Variants in FAM217A observed in about 807,000 individuals in gnomAD.
FAM217A encodes family with sequence similarity 217 member A.
A neutral mutation model predicts 18.5 loss-of-function variants in FAM217A; 13 were observed. That is an observed-to-expected ratio of 0.70 (90% CI 0.46 to 1.12). The LOEUF (loss-of-function observed/expected upper bound fraction) is 1.12. Ranked by LOEUF, FAM217A falls within the 50% of genes most tolerant of loss-of-function variation. The pLI is 0.00. For synonymous variants in FAM217A, 161 were observed against 202.8 expected, an observed-to-expected ratio of 0.79 and a Z score of 1.75; for missense variants, 560 against 575.4, an observed-to-expected ratio of 0.97 and a Z score of 0.27.
chr6:4,069,106 T>C lies in FAM217A; in HGVS notation c.1117A>G (p.Asn373Asp). The C allele has an allele frequency of 6.2e-7, 1 of 1,614,222 alleles. No individual in the cohort carries two copies. Among genetic ancestry groups the C allele is most frequent in the Non-Finnish European group, 8.5e-7 (1 of 1,180,036 alleles). The change falls in exon 7 of 7, where the codon AAT (asparagine) becomes GAT (aspartate). Residue 373 changes from asparagine (N) to aspartate (D), a missense_variant. Asn to Asp is a conservative substitution (Grantham distance 23). Transcript: ENST00000274673. ...GAATTCCATCTATATTTGCCAGCAT[T>C]GCTCCAATTCCGTTTTAAAGCATTT... ...EQNALKRNWS[N>D]AGKYRWNSRP...
intron 1 of FAM217A, among the ~76,000 whole-genome samples, chr6:4,078,500 T>A (rs650183): frequency 0.24 from 36,428 of 151,996 alleles, 4,891 homozygotes; most frequent in East Asian, 0.42. Context: ...CACGAGTGTG[T>A]GCATGCCAGA....
In FAM217A at chr6:4,078,492, C is replaced by G. The variant is rs1027345714; in HGVS notation, c.-35+360G>C. ...TCAGCCAACACCGGTTATTGGTCCA[C>G]GAGTGTGTGCATGCCAGACACTAGG... On this transcript the variant is annotated intron_variant, in intron 1 of 6. Coordinates refer to ENST00000274673, the MANE Select transcript of FAM217A (RefSeq NM_173563.3). Among the ~76,000 whole-genome samples the G allele has an allele frequency of 2.6e-5, 4 of 152,148 alleles. 1 individual carries two copies. The highest frequency in any genetic ancestry group is 1.3e-4 in the Admixed American group (2 of 15,278).
At chr6:4,070,482 A>G (rs1204191014) in intron 6 of FAM217A, among the ~76,000 whole-genome samples, 1 of 152,200 alleles carries the variant, frequency 6.6e-6, no homozygotes, top group Non-Finnish European at 1.5e-5. Flanking sequence ...TTTTCATATA[A>G]TGATGCTCTT....
At chr6:4,081,439 G>GTCT (rs768752676), upstream of FAM217A, among the ~76,000 whole-genome samples, 43 of 152,006 alleles carry the variant, frequency 2.8e-4, no homozygotes, top group Non-Finnish European at 4.9e-4. Context: ...TAGTTCCCTA[G>GTCT]TAGCTGGGAT....
At position 4,078,916 on chromosome 6, in the gene FAM217A, C is replaced by T. The variant is rs1419324769; in HGVS notation, c.-99G>A. The stretch of plus-strand genomic sequence containing the variant: ...GGTGCGCCGCCCCGAGGCCCGAGCG[C>T]CTCCGCGTGCGTGGCTGACGGCTTG... On this transcript the variant is annotated 5_prime_UTR_variant, in exon 1 of 7. Transcript: ENST00000274673. 2 of 583,962 alleles carry T rather than the reference C, an allele frequency of 3.4e-6. No individual in the cohort carries two copies. Among genetic ancestry groups the T allele is most frequent in the African/African-American group, 3.9e-5 (2 of 51,432 alleles). 36.2% of individuals were successfully genotyped at this position (583,962 alleles called of 1,614,324 possible).
intron 6 of FAM217A, 99 bp from the exon 7 acceptor site, chr6:4,070,019 G>A: frequency 1.1e-6 from 1 of 897,106 alleles, no homozygotes; most frequent in Non-Finnish European, 1.6e-6. Context: ...ATTGGTTAAT[G>A]TTTAGTTCCC....
chr6:4,079,259 C>T (rs1770090748), upstream of FAM217A: 1 of 173,728 alleles, frequency 5.8e-6, no homozygotes, highest in Non-Finnish European at 1.2e-5. Flanking sequence ...CGGAGCCTCT[C>T]GGGGGTCACC....
chr6:4,074,792 G>T, intron 2 of FAM217A, 131 bp from the exon 3 acceptor site: 1 of 641,274 alleles, frequency 1.6e-6, no homozygotes, highest in Admixed American at 2.9e-5. Flanking sequence ...TCATTATAAA[G>T]AACTTATCAG....
chr6:4,078,986 A>G lies in FAM217A; in HGVS notation c.-169T>C. On this transcript the variant is annotated 5_prime_UTR_variant, in exon 1 of 7. Coordinates refer to ENST00000274673, the MANE Select transcript of FAM217A (RefSeq NM_173563.3). ...CGGCCTTCCTGCAGCGGGGGGACAA[A>G]GAGGGCGGCGGGCGGCTGGCGGCCT... is the stretch of plus-strand genomic sequence containing the variant. The G allele has an allele frequency of 2.0e-6, 1 of 493,956 alleles. No homozygotes were observed. The highest frequency in any genetic ancestry group is 3.6e-6 in the Non-Finnish European group (1 of 280,528). 30.6% of individuals were successfully genotyped at this position (493,956 alleles called of 1,614,324 possible).
upstream of FAM217A, among the ~76,000 whole-genome samples, chr6:4,083,020 A>C (rs1248308886): frequency 3.9e-5 from 6 of 152,200 alleles, no homozygotes. Flanking sequence ...CCCAGGATTC[A>C]GATTTTAGTG....
In FAM217A at chr6:4,069,756, C is replaced by A; in HGVS notation, c.467G>T (p.Gly156Val). ...PLGLCWPYAD[G>V]DFFKNRNEIH... ...CTCATTTCTGTTCTTAAAAAAGTCT[C>A]CATCAGCATAGGGCCAGCAGAGACC... The change falls in exon 7 of 7, where the codon GGA becomes GTA. Residue 156 changes from glycine (G) to valine (V), a missense_variant. Transcript: ENST00000274673. 1 of 1,614,140 alleles carries A rather than the reference C, an allele frequency of 6.2e-7. No homozygotes were observed. Among genetic ancestry groups the A allele is most frequent in the South Asian group, 1.1e-5 (1 of 91,076 alleles).
At chr6:4,079,762 C>A, upstream of FAM217A, 1 of 843,556 alleles carries the variant, frequency 1.2e-6, no homozygotes, top group Non-Finnish European at 1.6e-6. Flanking sequence ...AATATATTAA[C>A]ATAGAAGAAG....
chr6:4,083,558 T>G (rs866476494), upstream of FAM217A, among the ~76,000 whole-genome samples: 2,643 of 145,676 alleles, frequency 0.018, 85 homozygotes, highest in African/African-American at 0.063. Context: ...TTTTCTTTTC[T>G]TTTTTTTTTT....
upstream of FAM217A, chr6:4,079,422 G>A (rs13202659): frequency 3.0e-6 from 1 of 330,082 alleles, no homozygotes; most frequent in South Asian, 2.3e-5. Context: ...TCGCGGGAAA[G>A]CCTGAGCCTC....
intron 6 of FAM217A, among the ~76,000 whole-genome samples, chr6:4,072,096 A>T (rs1177843797): frequency 6.6e-6 from 1 of 152,214 alleles, no homozygotes; most frequent in East Asian, 1.9e-4. Context: ...TAATCCCAGC[A>T]CTTTGGGAGG....
rs1244084153 is a variant in FAM217A at position 4,068,431 on chromosome 6, TGAATA to T, written c.*260_*264del. On this transcript the variant is annotated 3_prime_UTR_variant, in exon 7 of 7. Coordinates refer to ENST00000274673, the MANE Select transcript of FAM217A (RefSeq NM_173563.3). Reference sequence around the variant, plus strand: ...AATCACTGAAAAAAGAGTAGCCTTTTGAATAGAATAGTCTACCAAGTGAACCATTT... The same window carrying T: ...AATCACTGAAAAAAGAGTAGCCTTTTGAATAGTCTACCAAGTGAACCATTT... 3 of 320,824 alleles carry T rather than the reference TGAATA, an allele frequency of 9.4e-6. No homozygotes were observed. Among genetic ancestry groups the T allele is most frequent in the East Asian group, 1.0e-4 (2 of 19,616 alleles). 19.9% of individuals were successfully genotyped at this position (320,824 alleles called of 1,614,324 possible). A position where few individuals can be genotyped will look rare whatever the true frequency, so the allele number is the denominator to read the frequency against.
Position 4,069,650 on chromosome 6 carries a change from T to A in FAM217A, c.573A>T (p.Gly191=). 1 of 1,614,202 alleles carries A rather than the reference T, an allele frequency of 6.2e-7. No homozygotes were observed. Among genetic ancestry groups the A allele is most frequent in the Non-Finnish European group, 8.5e-7 (1 of 1,180,032 alleles). Residue 191 remains glycine (G), a synonymous_variant, in exon 7 of 7, where the codon GGA becomes GGT. Transcript: ENST00000274673. The stretch of plus-strand genomic sequence containing the variant: ...TGAAATTTTCTTCCACACTGCTGTT[T>A]CCATGTTTCAAATTCCAATTTGGAG... ...LPAPNWNLKH[G]NSSVEENFTD...
upstream of FAM217A, among the ~76,000 whole-genome samples, chr6:4,081,799 T>A (rs560972716): frequency 2.0e-5 from 3 of 152,352 alleles, no homozygotes; most frequent in East Asian, 5.8e-4. Flanking sequence ...AAATTATGTG[T>A]GCTTGTGTGT....
chr6:4,072,311 G>T (rs1413840961), intron 6 of FAM217A, among the ~76,000 whole-genome samples: 1 of 152,094 alleles, frequency 6.6e-6, no homozygotes, highest in African/African-American at 2.4e-5. Context: ...TTGCACTCCA[G>T]CATGGGCAAC....
Sources: allele counts gnomAD v4.1 joint callset (sites outside exome capture counted in the v4.1 genomes callset), GRCh38; gene constraint gnomAD v4.1.1; transcripts MANE v1.5; gene names NCBI Gene and HGNC (gene_info 2026-07-23, HGNC 2026-07-21).